SH3GL2: variants seen among roughly 807,000 people sequenced by gnomAD.
SH3GL2 encodes the protein SH3 domain containing GRB2 like 2, endophilin A1, also known as endophilin-A1.
In SH3GL2, 24 loss-of-function variants were observed where a neutral mutation model predicts 46.0. The ratio of observed to expected loss-of-function variants is 0.52; its 90% confidence interval spans 0.38 to 0.73. SH3GL2 has a LOEUF of 0.73. Ranked by LOEUF, SH3GL2 falls within the 30% of genes least tolerant of loss-of-function variation. The pLI is 0.00. For missense variants in SH3GL2, 413 were observed against 424.2 expected, an observed-to-expected ratio of 0.97 and a Z score of 0.23; for synonymous variants, 196 against 147.1, an observed-to-expected ratio of 1.33 and a Z score of -2.40.
At chr9:17,684,674 C>A (rs1820859630) in intron 1 of SH3GL2, among the ~76,000 whole-genome samples, 1 of 151,948 alleles carries the variant, frequency 6.6e-6, no homozygotes, top group South Asian at 2.1e-4. Context: ...ATATTGTATT[C>A]ACACTGAGAA....
intron 1 of SH3GL2, among the ~76,000 whole-genome samples, chr9:17,594,399 C>G (rs1818535536): frequency 6.6e-6 from 1 of 151,790 alleles, no homozygotes; most frequent in African/African-American, 2.4e-5. Context: ...AGAGGTTACC[C>G]TTCCCTCATT....
intron 1 of SH3GL2, among the ~76,000 whole-genome samples, chr9:17,629,721 C>G (rs997122021): frequency 1.1e-4 from 17 of 152,232 alleles, no homozygotes; most frequent in African/African-American, 4.1e-4. Flanking sequence ...TTGCCTTAAG[C>G]CTGTTTGTTT....
chr9:17,689,536 A>G (rs972552615), intron 1 of SH3GL2, among the ~76,000 whole-genome samples: 3 of 152,078 alleles, frequency 2.0e-5, no homozygotes, highest in African/African-American at 7.2e-5. Flanking sequence ...TGTCCTCACC[A>G]TAGCCTACAA....
chr9:17,685,417 GCATATCTA>G (rs1820876829), intron 1 of SH3GL2, among the ~76,000 whole-genome samples: 1 of 152,016 alleles, frequency 6.6e-6, no homozygotes, highest in Non-Finnish European at 1.5e-5. Flanking sequence ...TAGATTTTAA[GCATATCTA>G]CAAAATACCT....
chr9:17,782,664 T>A (rs1463499757), intron 3 of SH3GL2, among the ~76,000 whole-genome samples: 1 of 152,180 alleles, frequency 6.6e-6, no homozygotes, highest in Non-Finnish European at 1.5e-5. Context: ...CAGCAGCCTC[T>A]AGTGCCATTC....
At chr9:17,653,258 A>G (rs1819997052) in intron 1 of SH3GL2, among the ~76,000 whole-genome samples, 1 of 151,944 alleles carries the variant, frequency 6.6e-6, no homozygotes, top group Admixed American at 6.6e-5. Context: ...TCTACCTTCC[A>G]GTGGAAACTC....
intron 1 of SH3GL2, among the ~76,000 whole-genome samples, chr9:17,674,664 C>T (rs1360418044): frequency 3.3e-5 from 5 of 152,076 alleles, no homozygotes; most frequent in Admixed American, 6.5e-5. Flanking sequence ...TTAGGGGTCA[C>T]TCATGGGTCC....
At chr9:17,650,529 G>A (rs930074445) in intron 1 of SH3GL2, among the ~76,000 whole-genome samples, 7 of 151,996 alleles carry the variant, frequency 4.6e-5, no homozygotes, top group African/African-American at 1.5e-4. Context: ...GTGCCACCAC[G>A]CCTGGCTAAT....
At chr9:17,727,724 A>T (rs974188744) in intron 1 of SH3GL2, among the ~76,000 whole-genome samples, 1 of 152,158 alleles carries the variant, frequency 6.6e-6, no homozygotes, top group Non-Finnish European at 1.5e-5. Context: ...GTGCTGAGGC[A>T]TGTTCTTCAT....
intron 1 of SH3GL2, among the ~76,000 whole-genome samples, chr9:17,715,818 C>T (rs778528496): frequency 2.0e-5 from 3 of 152,016 alleles, no homozygotes; most frequent in Non-Finnish European, 4.4e-5. Flanking sequence ...CCTAGCCTAC[C>T]TTAAACATGC....
chr9:17,685,506 A>G (rs1820879045), intron 1 of SH3GL2, among the ~76,000 whole-genome samples: 1 of 152,082 alleles, frequency 6.6e-6, no homozygotes, highest in Non-Finnish European at 1.5e-5. Flanking sequence ...TGACATATAA[A>G]ACTAACCATC....
Position 17,690,176 on chromosome 9 carries a change from C to T in SH3GL2, c.46-56890C>T, listed in dbSNP as rs73645136. Among the ~76,000 whole-genome samples the T allele has an allele frequency of 1.7e-3, 259 of 152,218 alleles. 1 individual carries two copies. Among genetic ancestry groups the T allele is most frequent in the African/African-American group, 5.9e-3 (246 of 41,556 alleles). On this transcript the variant is annotated intron_variant, in intron 1 of 8. Coordinates refer to ENST00000380607, the MANE Select transcript of SH3GL2 (RefSeq NM_003026.5). Reference sequence around the variant, plus strand: ...TATACCTCTGATTTATGTCTACACCCCCACAATATCTAGCTAGGTGCCTGG... The same window carrying T: ...TATACCTCTGATTTATGTCTACACCTCCACAATATCTAGCTAGGTGCCTGG...
chr9:17,619,367 G>T (rs1055148367), intron 1 of SH3GL2, among the ~76,000 whole-genome samples: 7 of 152,156 alleles, frequency 4.6e-5, no homozygotes, highest in Non-Finnish European at 1.0e-4. Flanking sequence ...TTGTTGAATG[G>T]CTGACTACCT....
intron 1 of SH3GL2, among the ~76,000 whole-genome samples, chr9:17,694,279 G>A (rs190133958): frequency 5.9e-5 from 9 of 152,268 alleles, no homozygotes; most frequent in African/African-American, 1.9e-4. Flanking sequence ...AGGTGAACCG[G>A]AAGCAAGCAC....
At chr9:17,794,264 C>T (rs1824218399) in intron 8 of SH3GL2, among the ~76,000 whole-genome samples, 2 of 152,180 alleles carry the variant, frequency 1.3e-5, no homozygotes, top group African/African-American at 4.8e-5. Context: ...TGGGAACTGT[C>T]TTATACTGGA....
At chr9:17,758,230 T>G (rs1383495417) in intron 2 of SH3GL2, among the ~76,000 whole-genome samples, 2 of 152,072 alleles carry the variant, frequency 1.3e-5, no homozygotes, top group Non-Finnish European at 2.9e-5. Context: ...GGTCTCTTCC[T>G]CTTATGTCCA....
chr9:17,775,271 C>A (rs539133113), intron 3 of SH3GL2, among the ~76,000 whole-genome samples: 55 of 152,164 alleles, frequency 3.6e-4, no homozygotes, highest in Non-Finnish European at 6.9e-4. Context: ...ACATCCTTGG[C>A]TCTTGATAGG....
intron 1 of SH3GL2, among the ~76,000 whole-genome samples, chr9:17,724,973 A>G (rs1359609649): frequency 6.6e-6 from 1 of 152,126 alleles, no homozygotes; most frequent in Non-Finnish European, 1.5e-5. Flanking sequence ...CCTGAGTTCC[A>G]CAAGGCTCTA....
chr9:17,763,079 C>T (rs1823224050), intron 3 of SH3GL2, among the ~76,000 whole-genome samples: 1 of 152,114 alleles, frequency 6.6e-6, no homozygotes, highest in Non-Finnish European at 1.5e-5. Context: ...ATTTTCAGTG[C>T]AGTGCTAGGT....
Sources: gnomAD v4.1 joint callset for allele counts (sites outside exome capture counted in the v4.1 genomes callset) on GRCh38, gnomAD v4.1.1 for gene constraint, MANE v1.5 for transcripts, NCBI Gene and HGNC (gene_info 2026-07-23, HGNC 2026-07-21) for gene names.